ZNF737: variants seen among roughly 807,000 people sequenced by gnomAD.
The protein encoded by ZNF737 is zinc finger protein 102 (Y3).
In ZNF737, 13 loss-of-function variants were observed where a neutral mutation model predicts 11.7. The observed-to-expected ratio is 1.11, with a 90% CI of 0.73 to 1.77. The LOEUF (loss-of-function observed/expected upper bound fraction) is 1.77. ZNF737 is among the 40% of genes most tolerant of loss of function. The pLI is 0.00. For missense variants in ZNF737, 636 were observed against 638.0 expected (o/e 1.00, Z 0.03); for synonymous variants, 217 against 216.2 (o/e 1.00, Z -0.03).
downstream of ZNF737, among the ~76,000 whole-genome samples, chr19:20,532,535 C>T (rs1266115210): frequency 2.0e-5 from 3 of 149,962 alleles, 1 homozygote; most frequent in African/African-American, 7.4e-5. Flanking sequence ...ATTTTCTTTA[C>T]CTACAGGTTA....
chr19:20,560,285 G>T (rs1424199148), intron 1 of ZNF737, among the ~76,000 whole-genome samples: 6 of 151,970 alleles, frequency 3.9e-5, no homozygotes, highest in Admixed American at 2.0e-4. Flanking sequence ...GGAGGTTGAG[G>T]CTAAAGTAAA....
rs1249336050 is a variant in ZNF737, at chr19:20,541,906, T to C, written c.*2686A>G. On this transcript the variant is annotated 3_prime_UTR_variant, in exon 4 of 4. Coordinates refer to ENST00000427401, the MANE Select transcript of ZNF737 (RefSeq NM_001159293.2). Reference sequence around the variant, plus strand: ...ACCATAATGTAATTACTACATATTGTAGGCCTGAGTCAAAAGATGCCATAT... The same window carrying C: ...ACCATAATGTAATTACTACATATTGCAGGCCTGAGTCAAAAGATGCCATAT... 4.0e-6 allele frequency: 2 copies of C among 500,658 alleles called. No homozygotes were observed. The highest frequency in any genetic ancestry group is 4.2e-5 in the African/African-American group (2 of 47,646). The allele number at this position is 500,658 out of a possible 1,614,324, so 31.0% of individuals were successfully genotyped here.
chr19:20,565,433 G>C (rs1360618776), intron 1 of ZNF737, among the ~76,000 whole-genome samples: 2 of 152,144 alleles, frequency 1.3e-5, no homozygotes, highest in Non-Finnish European at 2.9e-5. Context: ...ACTACGCAGG[G>C]AAGACACAGG....
intron 1 of ZNF737, among the ~76,000 whole-genome samples, chr19:20,561,315 A>G (rs1278614266): frequency 6.6e-6 from 1 of 152,180 alleles, no homozygotes; most frequent in African/African-American, 2.4e-5. Context: ...GGCAAGAAAC[A>G]CTAGGATCAA....
At position 20,538,145 on chromosome 19, in the gene ZNF737, C is replaced by G; in HGVS notation, c.*6447G>C. The G allele has an allele frequency of 7.1e-6, 3 of 423,196 alleles. No homozygotes were observed. The highest frequency in any genetic ancestry group is 9.5e-6 in the Non-Finnish European group (3 of 316,138). 26.2% of individuals were successfully genotyped at this position (423,196 alleles called of 1,614,324 possible). On this transcript the variant is annotated 3_prime_UTR_variant, in exon 4 of 4. Coordinates refer to ENST00000427401, the MANE Select transcript of ZNF737 (RefSeq NM_001159293.2). ...TCTACCTAATTATGAATAGTAACTT[C>G]TCTTAGAAGCAAAGTTTATTCAAAG...
In ZNF737 at chr19:20,538,574, C is replaced by T; in HGVS notation, c.*6018G>A. On this transcript the variant is annotated 3_prime_UTR_variant, in exon 4 of 4. Coordinates refer to ENST00000427401, the MANE Select transcript of ZNF737 (RefSeq NM_001159293.2). ...GCTTTCTGCAAAAAGTAAAAATGGC[C>T]TTGCTAAGAAAAATTAAATTTATTT... The T allele has an allele frequency of 1.1e-6, 1 of 925,084 alleles. No homozygotes were observed. Among genetic ancestry groups the T allele is most frequent in the Non-Finnish European group, 1.3e-6 (1 of 775,018 alleles). The allele number at this position is 925,084 out of a possible 1,614,324, so 57.3% of individuals were successfully genotyped here.
In ZNF737 at chr19:20,565,779, G is replaced by C. The variant is rs1173704066; in HGVS notation, c.-139C>G. On this transcript the variant is annotated 5_prime_UTR_variant, in exon 1 of 4. Transcript: ENST00000427401. ...CAAGACCTGGAGCTCCGGCTGCAGAGACAAAGGCCCCGCAAAACCCGGAAG... is the reference window on the plus strand; with the variant it reads ...CAAGACCTGGAGCTCCGGCTGCAGACACAAAGGCCCCGCAAAACCCGGAAG... 8 of 1,432,326 alleles carry C rather than the reference G, an allele frequency of 5.6e-6. No individual in the cohort carries two copies. The highest frequency in any genetic ancestry group is 5.9e-6 in the Non-Finnish European group (6 of 1,016,598). The allele number at this position is 1,432,326 out of a possible 1,614,324, so 88.7% of individuals were successfully genotyped here.
chr19:20,531,060 C>T (rs1302999180), downstream of ZNF737, among the ~76,000 whole-genome samples: 1 of 146,566 alleles, frequency 6.8e-6, no homozygotes, highest in East Asian at 2.1e-4. Flanking sequence ...ACCCCGTCTC[C>T]ACCAAAAAAA....
At chr19:20,535,405 CACAATGAAATGCTATTCA>C (rs1967933366), downstream of ZNF737, among the ~76,000 whole-genome samples, 1 of 151,914 alleles carries the variant, frequency 6.6e-6, no homozygotes, top group South Asian at 2.1e-4. Context: ...GGTATATATA[CACAATGAAATGCTATTCA>C]GCCCTTAAAA....
chr19:20,556,599 T>C (rs1555761225), intron 1 of ZNF737, among the ~76,000 whole-genome samples: 1 of 151,878 alleles, frequency 6.6e-6, no homozygotes. Flanking sequence ...TGGCTCATTA[T>C]TACCATTAGT....
chr19:20,537,234 C>T (rs1555754048), downstream of ZNF737, among the ~76,000 whole-genome samples: 2 of 146,016 alleles, frequency 1.4e-5, no homozygotes, highest in Non-Finnish European at 3.0e-5. Flanking sequence ...GAGTTTTGCT[C>T]TTGTTGCCCA....
At chr19:20,553,982 G>GA in intron 1 of ZNF737, 147 bp from the exon 2 acceptor site, 1 of 966,394 alleles carries the variant, frequency 1.0e-6, no homozygotes. Flanking sequence ...TTTCAACACA[G>GA]AAATATTCTC....
intron 1 of ZNF737, 25 bp downstream of exon 1, chr19:20,565,613 C>A (rs782562779): frequency 9.9e-6 from 16 of 1,614,176 alleles, no homozygotes; most frequent in Admixed American, 1.7e-5. Context: ...CCCCCTCTCT[C>A]GGGATGTCGG....
At chr19:20,530,446 G>T in the ZNF737 span, among the ~76,000 whole-genome samples, 1 of 149,530 alleles carries the variant, frequency 6.7e-6, no homozygotes, top group Non-Finnish European at 1.5e-5. Context: ...TGGCTGCCGG[G>T]CGGAGACGCT....
intron 2 of ZNF737, among the ~76,000 whole-genome samples, chr19:20,553,245 G>T (rs1049410783): frequency 3.3e-5 from 5 of 152,018 alleles, no homozygotes; most frequent in Non-Finnish European, 7.4e-5. Flanking sequence ...ACATCTTGAA[G>T]AAATTTTTTT....
At chr19:20,531,470 T>C (rs895536979), downstream of ZNF737, among the ~76,000 whole-genome samples, 1 of 149,776 alleles carries the variant, frequency 6.7e-6, no homozygotes, top group African/African-American at 2.5e-5. Flanking sequence ...TGTTTTGTTT[T>C]GTTTTGAATC....
Position 20,541,851 on chromosome 19 carries a change from T to G in ZNF737, c.*2741A>C, listed in dbSNP as rs1393215440. On this transcript the variant is annotated 3_prime_UTR_variant, in exon 4 of 4. Transcript: ENST00000427401. ...ATTACACTATTGGTAATACAAAAGATAAATGCTAGAGGTGATGGATACCTT... is the reference window on the plus strand; with the variant it reads ...ATTACACTATTGGTAATACAAAAGAGAAATGCTAGAGGTGATGGATACCTT... The G allele has an allele frequency of 5.0e-6, 1 of 198,172 alleles. No homozygotes were observed. Among genetic ancestry groups the G allele is most frequent in the Non-Finnish European group, 9.1e-6 (1 of 110,246 alleles). The allele number at this position is 198,172 out of a possible 1,614,324, so 12.3% of individuals were successfully genotyped here.
At chr19:20,554,633 C>A (rs1555760041) in intron 1 of ZNF737, among the ~76,000 whole-genome samples, 1 of 152,114 alleles carries the variant, frequency 6.6e-6, no homozygotes, top group African/African-American at 2.4e-5. Context: ...AAGAACACAG[C>A]ATCACTGTTG....
In ZNF737 at chr19:20,545,604, G is replaced by T. The variant is rs1555756781; in HGVS notation, c.599C>A (p.Pro200His). 4.3e-6 allele frequency: 7 copies of T among 1,613,968 alleles called. No homozygotes were observed. Among genetic ancestry groups the T allele is most frequent in the African/African-American group, 1.3e-5 (1 of 75,036 alleles). The change falls in exon 4 of 4, where the codon CCC becomes CAC. Residue 200 changes from proline (P) to histidine (H), a missense_variant. Physicochemically the swap from Pro to His is moderately conservative, Grantham distance 77. Coordinates refer to ENST00000427401, the MANE Select transcript of ZNF737 (RefSeq NM_001159293.2). The part of the protein sequence containing the change: ...THKKIHTGEK[P>H]FKCEECGKAF... The stretch of plus-strand genomic sequence containing the variant: ...TTTGCCACATTCTTCACATTTGAAG[G>T]GTTTCTCCCCAGTATGAATTTTCTT...
Sources: allele counts gnomAD v4.1 joint callset (sites outside exome capture counted in the v4.1 genomes callset), GRCh38; gene constraint gnomAD v4.1.1; transcripts MANE v1.5; gene names NCBI Gene and HGNC (gene_info 2026-07-23, HGNC 2026-07-21).